The following FGF14 variants were observed in gnomAD, a reference collection of about 807,000 sequenced individuals.
The protein encoded by FGF14 is fibroblast growth factor homologous factor 4.
Under a neutral mutation model 25.5 loss-of-function variants are expected in FGF14, and 5 were observed. That is an observed-to-expected ratio of 0.20 (90% CI 0.10 to 0.41). The LOEUF is 0.41. FGF14 is among the 10% of genes least tolerant of loss of function. The probability of loss-of-function intolerance (pLI) is 1.00; values close to 1 mark genes in which losing one functional copy is unlikely to be tolerated. For synonymous variants in FGF14, 138 were observed against 118.3 expected (o/e 1.17, Z -1.08); for missense variants, 222 against 320.1 (o/e 0.69, Z 2.34).
intron 1 of FGF14, among the ~76,000 whole-genome samples, chr13:102,007,032 C>T (rs1040660262): frequency 3.9e-5 from 6 of 152,076 alleles, no homozygotes; most frequent in Admixed American, 3.3e-4. Context: ...GCGTGAGCCA[C>T]CGCGCCCGGC....
chr13:101,872,874 G>A (rs186561992), intron 2 of FGF14, among the ~76,000 whole-genome samples: 2 of 152,106 alleles, frequency 1.3e-5, no homozygotes, highest in South Asian at 2.1e-4. Flanking sequence ...TGAGCCCCTC[G>A]AGTGTGGGCA....
intron 1 of FGF14, among the ~76,000 whole-genome samples, chr13:101,945,807 G>T (rs2035766909): frequency 6.6e-6 from 1 of 152,200 alleles, no homozygotes; most frequent in Non-Finnish European, 1.5e-5. Flanking sequence ...GGAGGAAATG[G>T]AAGGATGCAG....
At chr13:101,936,783 A>C (rs2035134666) in intron 1 of FGF14, among the ~76,000 whole-genome samples, 1 of 152,242 alleles carries the variant, frequency 6.6e-6, no homozygotes, top group African/African-American at 2.4e-5. Flanking sequence ...GTGCTGAAAG[A>C]ATAAATGAAG....
chr13:101,792,608 T>C (rs2390652), intron 3 of FGF14, among the ~76,000 whole-genome samples: 60,534 of 152,002 alleles, frequency 0.4, 12,688 homozygotes, highest in East Asian at 0.83. Context: ...CTGTGAAAAA[T>C]ATAAATTGTT....
intron 1 of FGF14, among the ~76,000 whole-genome samples, chr13:102,010,441 A>T (rs1271585970): frequency 6.6e-6 from 1 of 152,184 alleles, no homozygotes; most frequent in Non-Finnish European, 1.5e-5. Context: ...TAACACAACT[A>T]ATCAACTTTG....
At chr13:101,961,300 C>T (rs2036842654) in intron 1 of FGF14, among the ~76,000 whole-genome samples, 1 of 152,040 alleles carries the variant, frequency 6.6e-6, no homozygotes, top group Non-Finnish European at 1.5e-5. Flanking sequence ...AGATTTTCTT[C>T]TAGGGTTTTT....
chr13:101,994,731 A>G (rs1053948412), intron 1 of FGF14, among the ~76,000 whole-genome samples: 1 of 152,078 alleles, frequency 6.6e-6, no homozygotes, highest in East Asian at 1.9e-4. Flanking sequence ...GAGCTAATAT[A>G]AACACATTCT....
chr13:102,223,339 G>T (rs1199631239), intron 1 of FGF14, among the ~76,000 whole-genome samples: 1 of 152,186 alleles, frequency 6.6e-6, no homozygotes, highest in Non-Finnish European at 1.5e-5. Context: ...AGTGAAAACT[G>T]TCCTGGCTAC....
At chr13:101,769,806 G>A (rs2038643880) in intron 3 of FGF14, among the ~76,000 whole-genome samples, 1 of 152,060 alleles carries the variant, frequency 6.6e-6, no homozygotes, top group Non-Finnish European at 1.5e-5. Context: ...AATGGGGTGG[G>A]GAAAAGAATG....
chr13:102,062,147 C>T (rs1303317702), intron 1 of FGF14, among the ~76,000 whole-genome samples: 1 of 151,880 alleles, frequency 6.6e-6, no homozygotes, highest in African/African-American at 2.4e-5. Context: ...AAAATTAAAC[C>T]ACAGAAAGCA....
intron 3 of FGF14, among the ~76,000 whole-genome samples, chr13:101,811,547 A>T (rs2041509680): frequency 6.6e-6 from 1 of 152,228 alleles, no homozygotes; most frequent in African/African-American, 2.4e-5. Context: ...TGTTTTGGGA[A>T]TTATGAATAA....
At chr13:102,398,885 T>A (rs2058639616) in intron 1 of FGF14, among the ~76,000 whole-genome samples, 1 of 144,854 alleles carries the variant, frequency 6.9e-6, no homozygotes, top group African/African-American at 2.5e-5. Flanking sequence ...ATTATATATA[T>A]GTATAATATA....
At chr13:102,179,417 G>C (rs1047585884) in intron 1 of FGF14, among the ~76,000 whole-genome samples, 3 of 151,984 alleles carry the variant, frequency 2.0e-5, no homozygotes, top group Admixed American at 6.6e-5. Context: ...AATGGTTTGG[G>C]GACCACACAA....
At chr13:102,209,172 C>T (rs1301152929) in intron 1 of FGF14, among the ~76,000 whole-genome samples, 1 of 152,230 alleles carries the variant, frequency 6.6e-6, no homozygotes, top group Admixed American at 6.5e-5. Context: ...TAGAGCTGAG[C>T]TGACCCTTCA....
intron 1 of FGF14, among the ~76,000 whole-genome samples, chr13:101,909,693 AG>A (rs1018271436): frequency 1.3e-5 from 2 of 152,208 alleles, no homozygotes; most frequent in African/African-American, 4.8e-5. Flanking sequence ...GCGATTCCTC[AG>A]GGATCTAGAA....
At chr13:101,900,026 A>G (rs1332819922) in intron 1 of FGF14, among the ~76,000 whole-genome samples, 5 of 152,150 alleles carry the variant, frequency 3.3e-5, no homozygotes, top group African/African-American at 1.2e-4. Flanking sequence ...GAAATTTAGT[A>G]ATTTTTTGTT....
chr13:101,949,567 G>A (rs913813135), intron 1 of FGF14, among the ~76,000 whole-genome samples: 1 of 152,086 alleles, frequency 6.6e-6, no homozygotes, highest in African/African-American at 2.4e-5. Flanking sequence ...AAGGCACATT[G>A]GTTCTTAGAC....
chr13:102,318,324 C>A (rs1225419673), intron 1 of FGF14, among the ~76,000 whole-genome samples: 2 of 152,164 alleles, frequency 1.3e-5, no homozygotes, highest in African/African-American at 2.4e-5. Flanking sequence ...AGCCTTAGAG[C>A]ACCCACCCTA....
intron 1 of FGF14, among the ~76,000 whole-genome samples, chr13:102,221,623 AACACACAC>A (rs34205303): frequency 6.7e-6 from 1 of 149,998 alleles, no homozygotes; most frequent in Non-Finnish European, 1.5e-5. Context: ...CAAACACACA[AACACACAC>A]ACACACACAC....
Sources: allele counts gnomAD v4.1 joint callset (sites outside exome capture counted in the v4.1 genomes callset), GRCh38; gene constraint gnomAD v4.1.1; transcripts MANE v1.5; gene names NCBI Gene and HGNC (gene_info 2026-07-23, HGNC 2026-07-21).